Variants in KALRN observed in about 807,000 individuals in gnomAD.
KALRN encodes kalirin RhoGEF kinase.
A neutral mutation model predicts 353.7 loss-of-function variants in KALRN; 70 were observed. The observed-to-expected ratio is 0.20, with a 90% CI of 0.16 to 0.24. The LOEUF (loss-of-function observed/expected upper bound fraction) is 0.24. Ranked by LOEUF, KALRN falls within the 10% of genes least tolerant of loss-of-function variation. KALRN has a pLI of 1.00. For synonymous variants in KALRN, 1,391 were observed against 1,434.8 expected (o/e 0.97, Z 0.69); for missense variants, 2,791 against 3,756.7 (o/e 0.74, Z 6.72).
chr3:124,435,350 T>C (rs538246479), intron 17 of KALRN, among the ~76,000 whole-genome samples: 42 of 152,284 alleles, frequency 2.8e-4, no homozygotes, highest in African/African-American at 9.9e-4. Flanking sequence ...GATGCTGCTG[T>C]GGGAGAAAAG....
At chr3:124,110,008 G>A (rs1442696431) in intron 1 of KALRN, among the ~76,000 whole-genome samples, 2 of 22,264 alleles carry the variant, frequency 9.0e-5, no homozygotes, top group African/African-American at 1.7e-4. Context: ...TGATATATAT[G>A]ACATATATGT....
rs71145446 is a variant in KALRN at position 124,311,064 on chromosome 3, C to CTTTTTT, written c.1092+12174_1092+12179dup. On this transcript the variant is annotated intron_variant, in intron 6 of 59. Transcript: ENST00000682506. ...TCAAAACCACAATGAGATACTACTT[C>CTTTTTT]TTTTTTTTTTTTTTTTTTTTTTTTT... Among the ~76,000 whole-genome samples the CTTTTTT allele has an allele frequency of 1.7e-3, 118 of 67,522 alleles. 20 individuals are homozygous for CTTTTTT. The highest frequency in any genetic ancestry group is 5.0e-3 in the East Asian group (9 of 1,818). 44.3% of individuals were successfully genotyped at this position (67,522 alleles called of 152,430 possible). A position where few individuals can be genotyped will look rare whatever the true frequency, so the allele number is the denominator to read the frequency against.
chr3:124,440,110 G>A (rs988358298), intron 18 of KALRN, among the ~76,000 whole-genome samples: 1 of 151,364 alleles, frequency 6.6e-6, no homozygotes, highest in African/African-American at 2.4e-5. Context: ...CACCTATATG[G>A]GTCAGAACCT....
intron 1 of KALRN, among the ~76,000 whole-genome samples, chr3:124,071,500 A>C (rs2060018281): frequency 6.6e-6 from 1 of 152,198 alleles, no homozygotes; most frequent in Admixed American, 6.5e-5. Context: ...ATCTTAGTCT[A>C]TCTGTGCTTC....
At chr3:124,562,053 G>A (rs574616970) in intron 33 of KALRN, among the ~76,000 whole-genome samples, 1 of 152,326 alleles carries the variant, frequency 6.6e-6, no homozygotes, top group African/African-American at 2.4e-5. Flanking sequence ...GAAGATGCCA[G>A]TGTGGAGACA....
chr3:124,243,909 A>G (rs1196127356), intron 3 of KALRN, among the ~76,000 whole-genome samples: 2 of 152,120 alleles, frequency 1.3e-5, no homozygotes, highest in South Asian at 2.1e-4. Context: ...GAAAGTAGGG[A>G]CCTTCTTTTG....
At chr3:124,199,977 C>T (rs1019098033) in intron 1 of KALRN, among the ~76,000 whole-genome samples, 31 of 152,178 alleles carry the variant, frequency 2.0e-4, no homozygotes, top group African/African-American at 7.5e-4. Flanking sequence ...GTTTTTCAAC[C>T]TTCTCTGGTA....
At chr3:124,264,843 A>G (rs1317013659) in intron 4 of KALRN, among the ~76,000 whole-genome samples, 153 bp downstream of exon 4, 2 of 152,134 alleles carry the variant, frequency 1.3e-5, no homozygotes, top group Non-Finnish European at 2.9e-5. Flanking sequence ...CTTACCAGTT[A>G]GAGTATGGGG....
intron 37 of KALRN, among the ~76,000 whole-genome samples, chr3:124,649,790 A>AATAGATAG (rs57296265): frequency 0.24 from 31,223 of 132,574 alleles, 4,144 homozygotes; most frequent in East Asian, 0.35. Context: ...CCTGTCTCAA[A>AATAGATAG]ATAGATAGAT....
At chr3:124,638,758 G>A (rs1294608559) in intron 37 of KALRN, among the ~76,000 whole-genome samples, 1 of 75,530 alleles carries the variant, frequency 1.3e-5, no homozygotes, top group African/African-American at 5.5e-5. Flanking sequence ...GGTCTCCAAT[G>A]GGGGGGTGCC....
chr3:124,541,844 A>T (rs1302445322), intron 33 of KALRN, among the ~76,000 whole-genome samples: 1 of 152,028 alleles, frequency 6.6e-6, no homozygotes, highest in Non-Finnish European at 1.5e-5. Context: ...GTGAGCTGAG[A>T]TGGTGCCACT....
intron 1 of KALRN, among the ~76,000 whole-genome samples, chr3:124,167,596 G>A (rs559881757): frequency 2.0e-5 from 3 of 152,182 alleles, no homozygotes; most frequent in Non-Finnish European, 1.5e-5. Flanking sequence ...GTAGGCAAAA[G>A]GTGTTTTTAT....
rs139717904 is a variant in KALRN, at chr3:124,555,460, A to T, written c.4936-7383A>T. Among the ~76,000 whole-genome samples the T allele has an allele frequency of 7.7e-4, 112 of 144,628 alleles. 1 individual carries two copies. Among genetic ancestry groups the T allele is most frequent in the African/African-American group, 2.9e-3 (106 of 36,174 alleles). The allele number at this position is 144,628 out of a possible 152,430, so 94.9% of individuals were successfully genotyped here. On this transcript the variant is annotated intron_variant, in intron 33 of 59. Coordinates refer to ENST00000682506, the MANE Select transcript of KALRN (RefSeq NM_001388419.1). The stretch of plus-strand genomic sequence containing the variant: ...AAATAAATAAATAAATAAATAAATA[A>T]ATAAAGTTATCTTGTTTACTACCTC...
At chr3:124,263,364 C>T (rs541456888) in intron 3 of KALRN, among the ~76,000 whole-genome samples, 1 of 152,344 alleles carries the variant, frequency 6.6e-6, no homozygotes, top group South Asian at 2.1e-4. Context: ...ACTCTTGGCT[C>T]TCTCTGAGTG....
chr3:124,049,073 T>C (rs765693661), intron 1 of KALRN, among the ~76,000 whole-genome samples: 14 of 152,316 alleles, frequency 9.2e-5, no homozygotes, highest in Admixed American at 3.9e-4. Flanking sequence ...TTGTGTAACG[T>C]TTAAGGACAC....
chr3:124,309,699 A>G (rs1249919125), intron 6 of KALRN, among the ~76,000 whole-genome samples: 1 of 152,220 alleles, frequency 6.6e-6, no homozygotes, highest in Non-Finnish European at 1.5e-5. Context: ...TGATCATCTC[A>G]ATAGACCCAG....
chr3:124,678,346 C>G (rs1204740748), intron 50 of KALRN, 33 bp downstream of exon 50: 4 of 1,609,924 alleles, frequency 2.5e-6, no homozygotes, highest in Non-Finnish European at 1.7e-6. Context: ...GCGTCCCCAC[C>G]TGTCATCCAC....
chr3:124,474,838 C>T, intron 26 of KALRN, 106 bp downstream of exon 26: 1 of 880,586 alleles, frequency 1.1e-6, no homozygotes, highest in South Asian at 1.3e-5. Flanking sequence ...AGACCAGGGG[C>T]TACTGAGAGG....
rs1273020552 is a variant in KALRN at position 124,584,828 on chromosome 3, G to A, written c.5182+21739G>A. ...GCTGGGGCGGCGGGGCAACATGAAG[G>A]GCGGCGACAGGGCTTACACCCGAGG... is the stretch of plus-strand genomic sequence containing the variant. On this transcript the variant is annotated intron_variant, in intron 34 of 59. Coordinates refer to ENST00000682506, the MANE Select transcript of KALRN (RefSeq NM_001388419.1). 2.5e-6 allele frequency: 4 copies of A among 1,604,250 alleles called. No homozygotes were observed. The Admixed American group carries it at 6.8e-5, about 27-fold the overall frequency.
Sources: allele counts gnomAD v4.1 joint callset (sites outside exome capture counted in the v4.1 genomes callset), GRCh38; gene constraint gnomAD v4.1.1; transcripts MANE v1.5; gene names NCBI Gene and HGNC (gene_info 2026-07-23, HGNC 2026-07-21).